The following GRIK2 variants were observed in gnomAD, a reference collection of about 807,000 sequenced individuals.
The protein encoded by GRIK2 is glutamate receptor ionotropic, kainate 2.
GRIK2 carries 32 observed loss-of-function variants against 100.3 expected under a neutral mutation model. The ratio of observed to expected loss-of-function variants is 0.32; its 90% CI spans 0.24 to 0.43. The LOEUF is 0.43. Among genes scored for constraint, GRIK2 ranks in the 20% least tolerant of loss-of-function variants. GRIK2 has a pLI of 1.00. For missense variants in GRIK2, 843 were observed against 1,114.9 expected (o/e 0.76, Z 3.47); for synonymous variants, 417 against 389.4 (o/e 1.07, Z -0.83).
chr6:101,764,748 G>A (rs1241872757), intron 7 of GRIK2, among the ~76,000 whole-genome samples: 2 of 152,022 alleles, frequency 1.3e-5, no homozygotes, highest in Non-Finnish European at 2.9e-5. Context: ...CCTGCCTCTA[G>A]TATTATACCA....
At position 101,481,789 on chromosome 6, in the gene GRIK2, A is replaced by G. The variant is rs139254949; in HGVS notation, c.115+82397A>G. ...GTCCTCACCTGAAATCTCTTCTCCA[A>G]TTGCAATCCCCGTAATCCCCACGTG... On this transcript the variant is annotated intron_variant, in intron 2 of 16. Coordinates refer to ENST00000369134, the MANE Select transcript of GRIK2 (RefSeq NM_021956.5). Among the ~76,000 whole-genome samples, 19 of 152,244 alleles carry G rather than the reference A, an allele frequency of 1.2e-4. 1 individual carries two copies. The highest frequency in any genetic ancestry group is 6.8e-3 in the Middle Eastern group (2 of 294).
intron 4 of GRIK2, among the ~76,000 whole-genome samples, chr6:101,633,473 G>A (rs952255522): frequency 3.3e-5 from 5 of 152,084 alleles, no homozygotes; most frequent in African/African-American, 1.2e-4. Context: ...TCACAGGATT[G>A]TTGTTGTGTA....
intron 11 of GRIK2, among the ~76,000 whole-genome samples, chr6:101,873,110 T>C (rs192738133): frequency 2.0e-5 from 3 of 152,194 alleles, no homozygotes; most frequent in African/African-American, 7.2e-5. Context: ...TTTTTTTAAA[T>C]TATACATTAA....
chr6:101,792,580 G>C (rs1330652923), intron 7 of GRIK2, among the ~76,000 whole-genome samples: 2 of 152,048 alleles, frequency 1.3e-5, no homozygotes, highest in Non-Finnish European at 2.9e-5. Flanking sequence ...GAGATCCGCT[G>C]TTAGTCTGAT....
intron 14 of GRIK2, among the ~76,000 whole-genome samples, chr6:102,019,421 C>T (rs1198800113): frequency 6.6e-6 from 1 of 152,048 alleles, no homozygotes; most frequent in African/African-American, 2.4e-5. Context: ...TGCAACTGCT[C>T]TTTTGGGAAA....
At chr6:101,907,902 G>A (rs1186080957) in intron 12 of GRIK2, among the ~76,000 whole-genome samples, 1 of 151,348 alleles carries the variant, frequency 6.6e-6, no homozygotes, top group Non-Finnish European at 1.5e-5. Flanking sequence ...ACTAATCTTT[G>A]TGCATTCACT....
chr6:101,979,873 C>G (rs1793610850), intron 14 of GRIK2, among the ~76,000 whole-genome samples: 1 of 151,948 alleles, frequency 6.6e-6, no homozygotes, highest in Non-Finnish European at 1.5e-5. Flanking sequence ...CTCTGTCCTC[C>G]TGCTGCAGCA....
At chr6:101,990,811 T>G (rs1794311066) in intron 14 of GRIK2, among the ~76,000 whole-genome samples, 1 of 147,694 alleles carries the variant, frequency 6.8e-6, no homozygotes, top group African/African-American at 2.4e-5. Flanking sequence ...ATTGTGGGGA[T>G]ACTTATTTCA....
At chr6:101,694,269 T>C (rs1772317938) in intron 7 of GRIK2, among the ~76,000 whole-genome samples, 1 of 151,948 alleles carries the variant, frequency 6.6e-6, no homozygotes, top group African/African-American at 2.4e-5. Flanking sequence ...AAATACAACA[T>C]GGTCAAGAAA....
At chr6:101,711,072 A>G (rs1050040762) in intron 7 of GRIK2, among the ~76,000 whole-genome samples, 3 of 151,704 alleles carry the variant, frequency 2.0e-5, no homozygotes, top group Non-Finnish European at 2.9e-5. Context: ...TTAAGATTCC[A>G]TGGAAGTTCA....
chr6:101,690,287 A>G (rs903941065), intron 7 of GRIK2, among the ~76,000 whole-genome samples: 3 of 152,116 alleles, frequency 2.0e-5, no homozygotes, highest in African/African-American at 7.2e-5. Context: ...GTATTACACA[A>G]ATCAATAATA....
intron 2 of GRIK2, among the ~76,000 whole-genome samples, chr6:101,479,865 T>C (rs1428549279): frequency 1.3e-5 from 2 of 152,330 alleles, no homozygotes; most frequent in Non-Finnish European, 2.9e-5. Context: ...AGACAATATT[T>C]TAATTTCCTG....
chr6:101,651,056 T>C (rs1005645538), intron 4 of GRIK2, among the ~76,000 whole-genome samples: 5 of 147,756 alleles, frequency 3.4e-5, no homozygotes, highest in African/African-American at 1.2e-4. Flanking sequence ...AATTCAGAAA[T>C]GAAATGGAAT....
intron 12 of GRIK2, 60 bp from the exon 13 acceptor site, chr6:101,924,541 T>G: frequency 2.3e-6 from 2 of 860,198 alleles, no homozygotes; most frequent in South Asian, 2.9e-5. Flanking sequence ...CAAAAAATGC[T>G]GGATAGAATT....
At chr6:101,627,270 T>C (rs576892910) in intron 4 of GRIK2, among the ~76,000 whole-genome samples, 1 of 152,160 alleles carries the variant, frequency 6.6e-6, no homozygotes, top group African/African-American at 2.4e-5. Flanking sequence ...GCTTCCCAAG[T>C]AGCTGGGATT....
chr6:101,508,633 A>G (rs1204292435), intron 2 of GRIK2, among the ~76,000 whole-genome samples: 1 of 152,200 alleles, frequency 6.6e-6, no homozygotes, highest in African/African-American at 2.4e-5. Flanking sequence ...TAACTGTTAC[A>G]TAGCTTATTA....
chr6:101,836,489 T>A (rs1783101675), intron 10 of GRIK2, among the ~76,000 whole-genome samples: 2 of 151,052 alleles, frequency 1.3e-5, no homozygotes, highest in Admixed American at 1.3e-4. Context: ...AGTGATAATA[T>A]TTTGATATAT....
chr6:101,542,168 T>G (rs2255658), intron 2 of GRIK2, among the ~76,000 whole-genome samples: 122,751 of 151,736 alleles, frequency 0.81, 50,102 homozygotes, highest in African/African-American at 0.9. Flanking sequence ...TTAAAGCTTT[T>G]ATGAAATCCA....
chr6:101,464,798 G>C (rs1771555877), intron 2 of GRIK2, among the ~76,000 whole-genome samples: 1 of 152,062 alleles, frequency 6.6e-6, no homozygotes, highest in Admixed American at 6.6e-5. Flanking sequence ...GGGAATACAG[G>C]CGTGAGCCAC....
Sources: allele counts gnomAD v4.1 joint callset (sites outside exome capture counted in the v4.1 genomes callset), GRCh38; gene constraint gnomAD v4.1.1; transcripts MANE v1.5; gene names NCBI Gene and HGNC (gene_info 2026-07-23, HGNC 2026-07-21).